Variants in ZNF385D observed in about 807,000 individuals in gnomAD.
ZNF385D encodes zinc finger protein 659.
ZNF385D carries 15 observed loss-of-function variants against 35.8 expected under a neutral mutation model. The ratio of observed to expected loss-of-function variants is 0.42; its 90% CI spans 0.28 to 0.64. ZNF385D has a LOEUF of 0.64. Among genes scored for constraint, ZNF385D ranks in the 30% least tolerant of loss-of-function variants. ZNF385D has a pLI of 0.23. For synonymous variants in ZNF385D, 212 were observed against 186.8 expected (o/e 1.13, Z -1.10); for missense variants, 474 against 494.6 (o/e 0.96, Z 0.39).
chr3:21,985,268 GT>G (rs1400682023), intron 3 of ZNF385D, among the ~76,000 whole-genome samples: 2 of 88,548 alleles, frequency 2.3e-5, no homozygotes, highest in South Asian at 9.6e-4. Flanking sequence ...AATGCTTCCA[GT>G]TTTTGCCCAT....
intron 2 of ZNF385D, among the ~76,000 whole-genome samples, chr3:22,214,988 G>A (rs1377918448): frequency 6.6e-6 from 1 of 151,830 alleles, no homozygotes; most frequent in Non-Finnish European, 1.5e-5. Context: ...GGGCATCACG[G>A]AACCTGCCGA....
intron 2 of ZNF385D, among the ~76,000 whole-genome samples, chr3:21,638,094 A>G (rs2065498157): frequency 6.6e-6 from 1 of 152,124 alleles, no homozygotes; most frequent in Non-Finnish European, 1.5e-5. Context: ...ATTAGCAGAG[A>G]AACTTTAGCC....
chr3:21,589,531 A>G (rs1300201989), intron 2 of ZNF385D, among the ~76,000 whole-genome samples: 1 of 152,164 alleles, frequency 6.6e-6, no homozygotes, highest in Non-Finnish European at 1.5e-5. Flanking sequence ...TTTTTTACAT[A>G]AGACAAAAAA....
intron 3 of ZNF385D, among the ~76,000 whole-genome samples, chr3:22,118,402 T>C (rs1037688256): frequency 6.6e-6 from 1 of 152,078 alleles, no homozygotes; most frequent in Non-Finnish European, 1.5e-5. Context: ...AATCCAAGCA[T>C]GATGCTTAAC....
intron 2 of ZNF385D, among the ~76,000 whole-genome samples, chr3:22,313,116 G>A (rs1323886450): frequency 6.6e-6 from 1 of 151,990 alleles, no homozygotes; most frequent in Admixed American, 6.6e-5. Context: ...GGATGAAACT[G>A]GAAACCATCA....
At chr3:21,843,585 A>G (rs1314947784) in intron 3 of ZNF385D, among the ~76,000 whole-genome samples, 3 of 151,996 alleles carry the variant, frequency 2.0e-5, no homozygotes, top group Non-Finnish European at 4.4e-5. Flanking sequence ...TAATATATTG[A>G]GCTATTAAAA....
At chr3:22,348,660 G>A (rs910834676) in intron 2 of ZNF385D, among the ~76,000 whole-genome samples, 2 of 137,932 alleles carry the variant, frequency 1.4e-5, no homozygotes, top group African/African-American at 5.8e-5. Context: ...AGAGCAAAAC[G>A]CTGTAGAAAG....
At chr3:21,820,540 G>C (rs1274392762) in intron 3 of ZNF385D, among the ~76,000 whole-genome samples, 2 of 151,378 alleles carry the variant, frequency 1.3e-5, no homozygotes, top group Non-Finnish European at 3.0e-5. Context: ...AATTATATTA[G>C]ATCAATAAAT....
chr3:22,237,251 C>G (rs750620012), intron 2 of ZNF385D, among the ~76,000 whole-genome samples: 6 of 152,046 alleles, frequency 3.9e-5, no homozygotes, highest in Admixed American at 6.6e-5. Flanking sequence ...TATAATAGTA[C>G]TGACTTCCAT....
At chr3:22,113,075 T>C (rs556953271) in intron 3 of ZNF385D, among the ~76,000 whole-genome samples, 6 of 152,184 alleles carry the variant, frequency 3.9e-5, no homozygotes, top group African/African-American at 1.4e-4. Context: ...TGACAAATCA[T>C]TTACACATCA....
At chr3:21,627,819 T>C (rs1018820901) in intron 2 of ZNF385D, among the ~76,000 whole-genome samples, 18 of 152,230 alleles carry the variant, frequency 1.2e-4, no homozygotes, top group African/African-American at 4.1e-4. Flanking sequence ...CAGTCACTTA[T>C]AAGGAAAGAG....
At position 22,224,033 on chromosome 3, in the gene ZNF385D, A is replaced by T. The variant is rs1425251112; in HGVS notation, c.107-54998T>A. 2.6e-5 allele frequency among the ~76,000 whole-genome samples: 4 copies of T among 152,286 alleles called. 1 individual carries two copies. The South Asian group carries it at 8.3e-4, about 32-fold the overall frequency. ...CCTGTACCCTGAAATAATACATTAC[A>T]GTATGAAAAAATCCTTCTTATCCCA... On this transcript the variant is annotated intron_variant, in intron 2 of 5. Coordinates refer to the ZNF385D transcript ENST00000494108.
chr3:22,302,540 A>G (rs1194540424), intron 2 of ZNF385D, among the ~76,000 whole-genome samples: 2 of 152,040 alleles, frequency 1.3e-5, no homozygotes, highest in African/African-American at 4.8e-5. Flanking sequence ...ACAGTATTAT[A>G]ACACTTACTC....
intron 3 of ZNF385D, among the ~76,000 whole-genome samples, chr3:21,836,198 G>C (rs1159397378): frequency 6.6e-6 from 1 of 151,892 alleles, no homozygotes; most frequent in African/African-American, 2.4e-5. Flanking sequence ...AACTGCTTTG[G>C]TCTATAAACA....
chr3:22,089,254 C>G (rs1218998752), intron 3 of ZNF385D, among the ~76,000 whole-genome samples: 4 of 152,262 alleles, frequency 2.6e-5, no homozygotes, highest in African/African-American at 9.6e-5. Flanking sequence ...CAGTACATGT[C>G]TATACTTGCT....
chr3:21,895,929 A>C (rs1391365434), intron 3 of ZNF385D, among the ~76,000 whole-genome samples: 1 of 152,146 alleles, frequency 6.6e-6, no homozygotes, highest in East Asian at 1.9e-4. Flanking sequence ...TTTTGTGTCT[A>C]ATTTGTAGAA....
intron 2 of ZNF385D, among the ~76,000 whole-genome samples, chr3:22,339,358 A>T (rs890195989): frequency 6.6e-6 from 1 of 152,182 alleles, no homozygotes; most frequent in South Asian, 2.1e-4. Context: ...GTGAACAAGG[A>T]AGGCCTGGTA....
chr3:21,870,444 C>T (rs537395296), intron 3 of ZNF385D, among the ~76,000 whole-genome samples: 1 of 152,138 alleles, frequency 6.6e-6, no homozygotes, highest in Non-Finnish European at 1.5e-5. Flanking sequence ...TTGAATTATC[C>T]GTGAACAAAT....
At chr3:21,858,258 C>T (rs2125824349) in intron 3 of ZNF385D, among the ~76,000 whole-genome samples, 1 of 151,778 alleles carries the variant, frequency 6.6e-6, no homozygotes, top group African/African-American at 2.4e-5. Context: ...TCAGAAGAGG[C>T]AATTCTGAGG....
Sources: gnomAD v4.1 joint callset for allele counts (sites outside exome capture counted in the v4.1 genomes callset) on GRCh38, gnomAD v4.1.1 for gene constraint, MANE v1.5 for transcripts, NCBI Gene and HGNC (gene_info 2026-07-23, HGNC 2026-07-21) for gene names.